The following GLDC variants were observed in gnomAD, a reference collection of about 807,000 sequenced individuals.
GLDC encodes glycine decarboxylase.
A neutral mutation model predicts 121.3 loss-of-function variants in GLDC; 104 were observed. The observed-to-expected ratio is 0.86, with a 90% CI of 0.73 to 1.01. The LOEUF (loss-of-function observed/expected upper bound fraction) is 1.01. Ranked by LOEUF, GLDC falls within the 50% of genes least tolerant of loss-of-function variation. GLDC has a pLI of 0.00. For missense variants in GLDC, 1,429 were observed against 1,306.6 expected, an observed-to-expected ratio of 1.09 and a Z score of -1.44; for synonymous variants, 546 against 480.6, an observed-to-expected ratio of 1.14 and a Z score of -1.78.
chr9:6,588,655 T>C lies in GLDC; in HGVS notation c.1628A>G (p.Asn543Ser), dbSNP rs755682957. The C allele has an allele frequency of 6.2e-7, 1 of 1,613,364 alleles. No individual in the cohort carries two copies. The change falls in exon 13 of 25, where the codon AAT becomes AGT. Residue 543 changes from asparagine (N) to serine (S), a missense_variant. Coordinates refer to ENST00000321612, the MANE Select transcript of GLDC (RefSeq NM_000170.3). Reference protein sequence around the residue: ...NIVRYMKKLENKDISLVHSMI... With the variant: ...NIVRYMKKLESKDISLVHSMI... ...GCTGTGAACAAGGGAAATGTCTTTATTTTCCAGTTTCTTCATGTACCGGAC... is the reference window on the plus strand; with the variant it reads ...GCTGTGAACAAGGGAAATGTCTTTACTTTCCAGTTTCTTCATGTACCGGAC...
intron 4 of GLDC, among the ~76,000 whole-genome samples, chr9:6,609,782 C>G (rs1372081335): frequency 3.3e-5 from 5 of 152,120 alleles, no homozygotes; most frequent in Non-Finnish European, 7.4e-5. Flanking sequence ...CTCACCCTGT[C>G]CCCTGAACAA....
At chr9:6,533,317 A>C (rs993223221) in intron 24 of GLDC, among the ~76,000 whole-genome samples, 157 bp from the exon 25 acceptor site, 5 of 152,158 alleles carry the variant, frequency 3.3e-5, no homozygotes, top group African/African-American at 1.2e-4. Context: ...ATTTAAAAAA[A>C]AGAGGCATTT....
intron 2 of GLDC, among the ~76,000 whole-genome samples, chr9:6,634,663 C>A (rs1007776671): frequency 6.6e-6 from 1 of 152,160 alleles, no homozygotes; most frequent in Non-Finnish European, 1.5e-5. Flanking sequence ...ATATAAGACT[C>A]CTCCCATGGG....
In GLDC at chr9:6,536,201, C is replaced by A. The variant is rs756807420; in HGVS notation, c.2701G>T (p.Gly901Trp). 6.2e-7 allele frequency: 1 copy of A among 1,614,082 alleles called. No homozygotes were observed. Among genetic ancestry groups the A allele is most frequent in the Non-Finnish European group, 8.5e-7 (1 of 1,179,986 alleles). The change falls in exon 23 of 25, where the codon GGG becomes TGG. Residue 901 changes from glycine (G) to tryptophan (W), a missense_variant. By Grantham distance (184) the Gly-to-Trp change is radical. Coordinates refer to ENST00000321612, the MANE Select transcript of GLDC (RefSeq NM_000170.3). Reference protein sequence around the residue: ...HAPTMSWPVAGTLMVEPTESE... With the variant: ...HAPTMSWPVAWTLMVEPTESE... ...TCAGTGGGCTCCACCATGAGGGTCC[C>A]TGCCACAGGCCAGGACATGGTAGGG...
chr9:6,548,292 T>A (rs1467331893), intron 21 of GLDC, among the ~76,000 whole-genome samples: 2 of 152,236 alleles, frequency 1.3e-5, no homozygotes, highest in Non-Finnish European at 2.9e-5. Flanking sequence ...TATACATTAT[T>A]TATGTAATCT....
At chr9:6,538,381 C>A (rs1480219878) in intron 22 of GLDC, among the ~76,000 whole-genome samples, 1 of 152,034 alleles carries the variant, frequency 6.6e-6, no homozygotes, top group Non-Finnish European at 1.5e-5. Context: ...GGCAGTATGC[C>A]CCAAAATTGC....
At position 6,582,686 on chromosome 9, in the gene GLDC, G is replaced by A. The variant is rs181039180; in HGVS notation, c.1850+4455C>T. Reference sequence around the variant, plus strand: ...CTACTAAAAATACAAAAAATTAGCCGGGTGTGGTGGCATGCGCCTGTAGTC... The same window carrying A: ...CTACTAAAAATACAAAAAATTAGCCAGGTGTGGTGGCATGCGCCTGTAGTC... On this transcript the variant is annotated intron_variant, in intron 15 of 24. Transcript: ENST00000321612. Among the ~76,000 whole-genome samples, 9 of 152,034 alleles carry A rather than the reference G, an allele frequency of 5.9e-5. No homozygotes were observed. In the East Asian group the frequency reaches 7.8e-4, roughly 13 times the overall value.
rs761854548 is a variant in GLDC, at chr9:6,604,791, A to G, written c.862-7T>C. 6.2e-7 allele frequency: 1 copy of G among 1,611,772 alleles called. No homozygotes were observed. The highest frequency in any genetic ancestry group is 2.2e-5 in the East Asian group (1 of 44,886). On this transcript the variant is annotated splice_region_variant and splice_polypyrimidine_tract_variant and intron_variant, in intron 6 of 24. Coordinates refer to ENST00000321612, the MANE Select transcript of GLDC (RefSeq NM_000170.3). The stretch of plus-strand genomic sequence containing the variant: ...TAGCACAGCAGGCCAGGCTCTAGAA[A>G]GGAAGTGAGAGAAAAGGAACAAGGT...
rs200609000 is a variant in GLDC at position 6,540,168 on chromosome 9, G to C, written c.2570-22C>G. ...TAACCTGTTCAGGAAAGTTGTTTCA[G>C]CCCAAGATTAGCATCAGCTTATTGT... is the stretch of plus-strand genomic sequence containing the variant. On this transcript the variant is annotated intron_variant, in intron 21 of 24. Coordinates refer to ENST00000321612, the MANE Select transcript of GLDC (RefSeq NM_000170.3). 7.0e-3 allele frequency: 9,879 copies of C among 1,412,730 alleles called. 58 individuals carry two copies. The highest frequency in any genetic ancestry group is 8.0e-3 in the Non-Finnish European group (7,978 of 996,076). 87.5% of individuals were successfully genotyped at this position (1,412,730 alleles called of 1,614,324 possible). A position where few individuals can be genotyped will look rare whatever the true frequency, so the allele number is the denominator to read the frequency against.
chr9:6,594,617 T>A (rs759897534), intron 9 of GLDC, among the ~76,000 whole-genome samples: 2 of 151,958 alleles, frequency 1.3e-5, no homozygotes, highest in African/African-American at 4.8e-5. Context: ...ATCACATGAA[T>A]CCGGGAAGTG....
At chr9:6,608,152 G>A (rs998073138) in intron 4 of GLDC, among the ~76,000 whole-genome samples, 4 of 151,844 alleles carry the variant, frequency 2.6e-5, no homozygotes, top group East Asian at 1.9e-4. Context: ...GGTGGTTCAC[G>A]CCTGTAATCC....
chr9:6,556,426 T>G (rs1817632529), intron 17 of GLDC, 124 bp from the exon 18 acceptor site: 1 of 784,040 alleles, frequency 1.3e-6, no homozygotes, highest in Admixed American at 2.0e-5. Context: ...TTCCTGGAAC[T>G]GTCTCAAAGT....
chr9:6,586,330 G>A (rs761211342), intron 15 of GLDC, among the ~76,000 whole-genome samples: 25 of 152,032 alleles, frequency 1.6e-4, no homozygotes, highest in Non-Finnish European at 3.2e-4. Flanking sequence ...TAAAAATAAA[G>A]AGTCTTAGTC....
At chr9:6,540,172 A>G in intron 21 of GLDC, 26 bp from the exon 22 acceptor site, 1 of 1,344,632 alleles carries the variant, frequency 7.4e-7, no homozygotes, top group South Asian at 1.2e-5. Context: ...GTTTCAGCCC[A>G]AGATTAGCAT....
At chr9:6,627,344 A>G (rs1819266328) in intron 2 of GLDC, among the ~76,000 whole-genome samples, 1 of 151,834 alleles carries the variant, frequency 6.6e-6, no homozygotes, top group Middle Eastern at 3.4e-3. Flanking sequence ...AGAACAAAAT[A>G]TTAATTATCT....
chr9:6,613,842 T>C (rs940527801), intron 3 of GLDC, among the ~76,000 whole-genome samples: 2 of 152,154 alleles, frequency 1.3e-5, no homozygotes, highest in Non-Finnish European at 2.9e-5. Flanking sequence ...AGTGGCACGA[T>C]CTCGGCCCAG....
chr9:6,606,184 C>T (rs1818727723), intron 5 of GLDC: 1 of 234,760 alleles, frequency 4.3e-6, no homozygotes, highest in Non-Finnish European at 8.3e-6. Flanking sequence ...TGGCGGGCAC[C>T]TGTAGTCCCA....
At chr9:6,549,257 G>A (rs980358770) in intron 21 of GLDC, among the ~76,000 whole-genome samples, 4 of 151,826 alleles carry the variant, frequency 2.6e-5, no homozygotes, top group African/African-American at 4.8e-5. Context: ...GACTGCCAGA[G>A]AAACAAAGCA....
chr9:6,570,184 T>A (rs1817931817), intron 15 of GLDC, among the ~76,000 whole-genome samples: 1 of 152,178 alleles, frequency 6.6e-6, no homozygotes, highest in Non-Finnish European at 1.5e-5. Context: ...TCACCAAAAC[T>A]CCCACTGAAT....
Sources: allele counts gnomAD v4.1 joint callset (sites outside exome capture counted in the v4.1 genomes callset), GRCh38; gene constraint gnomAD v4.1.1; transcripts MANE v1.5; gene names NCBI Gene and HGNC (gene_info 2026-07-23, HGNC 2026-07-21).